Variants in KIAA0513 observed in about 807,000 individuals in gnomAD.
KIAA0513 encodes KIAA0513.
KIAA0513 carries 39 observed loss-of-function variants against 56.5 expected under a neutral mutation model. That is an observed-to-expected ratio of 0.69 (90% CI 0.53 to 0.90). KIAA0513 has a LOEUF of 0.90. Among genes scored for constraint, KIAA0513 ranks in the 40% least tolerant of loss-of-function variants. The probability of loss-of-function intolerance (pLI) is 0.00; values close to 1 mark genes in which losing one functional copy is unlikely to be tolerated. For synonymous variants in KIAA0513, 268 were observed against 215.6 expected (o/e 1.24, Z -2.13); for missense variants, 591 against 535.2 (o/e 1.10, Z -1.03).
intron 4 of KIAA0513, among the ~76,000 whole-genome samples, chr16:85,075,583 T>C (rs2073644434): frequency 6.6e-6 from 1 of 152,174 alleles, no homozygotes; most frequent in South Asian, 2.1e-4. Flanking sequence ...CAAGTTGAGC[T>C]TCCCAGGCCT....
At chr16:85,068,532 C>T (rs1268700017) in intron 2 of KIAA0513, among the ~76,000 whole-genome samples, 1 of 151,898 alleles carries the variant, frequency 6.6e-6, no homozygotes, top group Non-Finnish European at 1.5e-5. Context: ...CGGGGTTTCA[C>T]CATGTTAGCC....
intron 10 of KIAA0513, among the ~76,000 whole-genome samples, chr16:85,085,622 G>C (rs542061709): frequency 6.6e-6 from 1 of 152,390 alleles, no homozygotes; most frequent in African/African-American, 2.4e-5. Context: ...AGTTGTGTAA[G>C]GGTCGGGGAG....
intron 2 of KIAA0513, among the ~76,000 whole-genome samples, chr16:85,069,663 A>G (rs980902359): frequency 6.6e-6 from 1 of 151,908 alleles, no homozygotes; most frequent in African/African-American, 2.4e-5. Flanking sequence ...ACAGCAGCAC[A>G]CTAGATAAGG....
Position 85,088,430 on chromosome 16 carries a change from AC to A in KIAA0513, c.*108del. On this transcript the variant is annotated 3_prime_UTR_variant, in exon 13 of 13. Transcript: ENST00000683363. ...CGATGACCTGCATGAAGCCAGCAGC[AC>A]CCAGAGCCACTCCTGCTGCCCTAGA... 1 of 885,778 alleles carries A rather than the reference AC, an allele frequency of 1.1e-6. No homozygotes were observed. Among genetic ancestry groups the A allele is most frequent in the Non-Finnish European group, 1.8e-6 (1 of 546,598 alleles). 54.9% of individuals were successfully genotyped at this position (885,778 alleles called of 1,614,324 possible).
At chr16:85,032,755 C>T (rs1306084200) in intron 1 of KIAA0513, among the ~76,000 whole-genome samples, 2 of 152,236 alleles carry the variant, frequency 1.3e-5, no homozygotes, top group South Asian at 2.1e-4. Flanking sequence ...CTCAGCCTCC[C>T]GAGTAGCTGG....
intron 1 of KIAA0513, among the ~76,000 whole-genome samples, chr16:85,060,268 G>T (rs2073385268): frequency 6.6e-6 from 1 of 152,180 alleles, no homozygotes; most frequent in African/African-American, 2.4e-5. Flanking sequence ...GCTTTCTTAG[G>T]TTGATTTGTG....
intron 7 of KIAA0513, 162 bp from the exon 8 acceptor site, chr16:85,078,763 C>T (rs775576571): frequency 2.8e-5 from 7 of 245,924 alleles, no homozygotes; most frequent in Non-Finnish European, 4.5e-5. Context: ...GGGAATAGCA[C>T]CGTTACTGGC....
At chr16:85,036,505 G>C (rs1446273241) in intron 1 of KIAA0513, among the ~76,000 whole-genome samples, 2 of 152,120 alleles carry the variant, frequency 1.3e-5, no homozygotes, top group South Asian at 2.1e-4. Context: ...TTCCTTTTTA[G>C]TGTGGATGTT....
intron 2 of KIAA0513, among the ~76,000 whole-genome samples, chr16:85,069,208 T>C (rs565470606): frequency 1.7e-3 from 231 of 137,226 alleles, no homozygotes; most frequent in African/African-American, 5.9e-3. Context: ...TTTTTTTGTG[T>C]TTTTTTTTTT....
chr16:85,042,920 C>T (rs550195935), intron 1 of KIAA0513, among the ~76,000 whole-genome samples: 1 of 152,132 alleles, frequency 6.6e-6, no homozygotes, highest in Non-Finnish European at 1.5e-5. Flanking sequence ...AATTGCCATC[C>T]TTTTATTCAA....
At chr16:85,041,271 C>T (rs2073100438) in intron 1 of KIAA0513, among the ~76,000 whole-genome samples, 1 of 152,186 alleles carries the variant, frequency 6.6e-6, no homozygotes, top group Non-Finnish European at 1.5e-5. Flanking sequence ...ACGCCTGTCA[C>T]TTCGCGCCAA....
At chr16:85,037,001 G>C (rs958160357) in intron 1 of KIAA0513, among the ~76,000 whole-genome samples, 2 of 152,086 alleles carry the variant, frequency 1.3e-5, no homozygotes, top group African/African-American at 4.8e-5. Flanking sequence ...GAAATGCATG[G>C]CCAGGACCCA....
chr16:85,066,457 A>G (rs909086638), intron 1 of KIAA0513, among the ~76,000 whole-genome samples: 19 of 152,174 alleles, frequency 1.2e-4, no homozygotes, highest in African/African-American at 4.6e-4. Flanking sequence ...AACAGAGCCC[A>G]GGAAGGAGGA....
chr16:85,086,988 G>T, intron 11 of KIAA0513, 84 bp from the exon 12 acceptor site: 1 of 1,300,884 alleles, frequency 7.7e-7, no homozygotes, highest in Non-Finnish European at 1.1e-6. Context: ...AGGCCATGGT[G>T]GGCGTCCCAG....
intron 10 of KIAA0513, among the ~76,000 whole-genome samples, chr16:85,084,676 G>A (rs2073788893): frequency 6.6e-6 from 1 of 152,144 alleles, no homozygotes; most frequent in Non-Finnish European, 1.5e-5. Context: ...TGGTCCACCT[G>A]TCTCACCCTC....
chr16:85,067,522 A>C, intron 2 of KIAA0513, 122 bp downstream of exon 2: 1 of 765,806 alleles, frequency 1.3e-6, no homozygotes, highest in South Asian at 1.8e-5. Context: ...CCATTTCCCC[A>C]TCAGCCAGGG....
At chr16:85,056,788 C>T (rs1261295531) in intron 1 of KIAA0513, among the ~76,000 whole-genome samples, 1 of 152,188 alleles carries the variant, frequency 6.6e-6, no homozygotes, top group Non-Finnish European at 1.5e-5. Context: ...TAGCCTTGAA[C>T]ATCTGGGGTC....
rs1285983686 is a variant in KIAA0513, at chr16:85,073,060, C to T, written c.503+62C>T. 4 of 1,366,056 alleles carry T rather than the reference C, an allele frequency of 2.9e-6. No individual in the cohort carries two copies. The African/African-American group carries it at 5.7e-5, about 20-fold the overall frequency. The allele number at this position is 1,366,056 out of a possible 1,614,324, so 84.6% of individuals were successfully genotyped here. Reference sequence around the variant, plus strand: ...AAGCTCCTCTTCCCTCCCTGCCTCCCTCCCCACCCAGCCGTGTCATAACCC... The same window carrying T: ...AAGCTCCTCTTCCCTCCCTGCCTCCTTCCCCACCCAGCCGTGTCATAACCC... On this transcript the variant is annotated intron_variant, in intron 4 of 12. Transcript: ENST00000683363.
intron 8 of KIAA0513, among the ~76,000 whole-genome samples, chr16:85,080,350 A>T (rs550836871): frequency 7.9e-5 from 12 of 152,340 alleles, no homozygotes; most frequent in African/African-American, 2.2e-4. Context: ...CTGCAGCCAC[A>T]CCACTATGCT....
Sources: allele counts gnomAD v4.1 joint callset (sites outside exome capture counted in the v4.1 genomes callset), GRCh38; gene constraint gnomAD v4.1.1; transcripts MANE v1.5; gene names NCBI Gene and HGNC (gene_info 2026-07-23, HGNC 2026-07-21).